Variants in ERAP2 observed in about 807,000 individuals in gnomAD.
The protein encoded by ERAP2 is endoplasmic reticulum aminopeptidase 2.
In ERAP2, 118 loss-of-function variants were observed where a neutral mutation model predicts 111.1. That is an observed-to-expected ratio of 1.06 (90% CI 0.92 to 1.24). The LOEUF is 1.24. Ranked by LOEUF, ERAP2 falls within the 50% of genes most tolerant of loss-of-function variation. The pLI, the probability that ERAP2 is intolerant of heterozygous loss-of-function variation, is 0.00. For missense variants in ERAP2, 1,131 were observed against 1,125.8 expected, an observed-to-expected ratio of 1.00 and a Z score of -0.07; for synonymous variants, 410 against 401.2, an observed-to-expected ratio of 1.02 and a Z score of -0.26.
At chr5:96,915,940 T>A in intron 18 of ERAP2, 171 bp downstream of exon 18, 1 of 496,660 alleles carries the variant, frequency 2.0e-6, no homozygotes, top group East Asian at 3.7e-5. Flanking sequence ...ACCTGACACT[T>A]GGCCAGGCAC....
chr5:96,879,908 C>T lies in ERAP2; in HGVS notation c.223C>T (p.Pro75Ser), dbSNP rs1369871017. ...QELRLPSVVIPLHYDLFVHPN... is the reference protein window; with the variant it reads ...QELRLPSVVISLHYDLFVHPN... Reference sequence around the variant, plus strand: ...GCTAAGGCTCCCCAGTGTGGTCATTCCTCTCCATTATGACCTCTTTGTCCA... The same window carrying T: ...GCTAAGGCTCCCCAGTGTGGTCATTTCTCTCCATTATGACCTCTTTGTCCA... Residue 75 changes from proline (P) to serine (S), a missense_variant, in exon 2 of 19, where the codon CCT (proline) becomes TCT (serine). Around this residue, in one of 3 missense-constraint regions of ERAP2, gnomAD observed 847 missense variants for 856.5 expected, o/e 0.99. Coordinates refer to ENST00000437043, the MANE Select transcript of ERAP2 (RefSeq NM_022350.5). 2 of 1,613,940 alleles carry T rather than the reference C, an allele frequency of 1.2e-6. No homozygotes were observed. Among genetic ancestry groups the T allele is most frequent in the Non-Finnish European group, 1.7e-6 (2 of 1,179,960 alleles).
chr5:96,911,885 A>AAAAAAAAAAAC (rs1786792957), intron 15 of ERAP2, among the ~76,000 whole-genome samples: 1 of 146,168 alleles, frequency 6.8e-6, no homozygotes, highest in Non-Finnish European at 1.5e-5. Flanking sequence ...AAAAAAAGAA[A>AAAAAAAAAAAC]GAAAGAAAGA....
intron 5 of ERAP2, among the ~76,000 whole-genome samples, chr5:96,891,528 G>GCA (rs1561372058): frequency 5.4e-5 from 2 of 37,170 alleles, no homozygotes; most frequent in African/African-American, 1.3e-4. Context: ...CCCATATACG[G>GCA]TATATATACA....
At chr5:96,889,606 G>A (rs1784118474) in intron 5 of ERAP2, 1 of 660,458 alleles carries the variant, frequency 1.5e-6, no homozygotes, top group East Asian at 2.5e-5. Context: ...CGGAAGCCAG[G>A]TAGAGGGTCC....
chr5:96,895,320 A>G lies in ERAP2; in HGVS notation c.1200A>G (p.Glu400=), dbSNP rs763705240. Residue 400 remains glutamate, a synonymous_variant, in exon 7 of 19, where the codon GAA becomes GAG. Coordinates refer to ENST00000437043, the MANE Select transcript of ERAP2 (RefSeq NM_022350.5). ...WLKEGFAKYM[E]LIAVNATYPE... is the part of the protein sequence containing the mutation. Reference sequence around the variant, plus strand: ...AGGAGGGTTTTGCAAAATACATGGAACTTATCGCTGTTAATGCTACATATC... The same window carrying G: ...AGGAGGGTTTTGCAAAATACATGGAGCTTATCGCTGTTAATGCTACATATC... 1.2e-5 allele frequency: 19 copies of G among 1,612,664 alleles called. No individual in the cohort carries two copies. The East Asian group carries it at 3.3e-4, about 28-fold the overall frequency.
At chr5:96,884,584 G>C (rs949415200) in intron 3 of ERAP2, among the ~76,000 whole-genome samples, 6 of 151,922 alleles carry the variant, frequency 3.9e-5, no homozygotes, top group African/African-American at 1.5e-4. Flanking sequence ...TTGAGACAGA[G>C]TCTCTCTCTG....
intron 5 of ERAP2, among the ~76,000 whole-genome samples, chr5:96,891,347 ATATGTG>A (rs1390295859): frequency 7.7e-6 from 1 of 129,466 alleles, no homozygotes; most frequent in Non-Finnish European, 1.6e-5. Context: ...CTGTATATGT[ATATGTG>A]TGTGTATATA....
Position 96,892,431 on chromosome 5 carries a change from T to A in ERAP2, c.1103T>A (p.Ile368Lys). Residue 368 changes from isoleucine to lysine, a missense_variant, in exon 6 of 19, where the codon ATA becomes AAA. Around this residue, in one of 3 missense-constraint regions of ERAP2, gnomAD observed 847 missense variants for 856.5 expected, o/e 0.99. Coordinates refer to ENST00000437043, the MANE Select transcript of ERAP2 (RefSeq NM_022350.5). ...ASDKLWVTRV[I>K]AHELAHQWFG... The stretch of plus-strand genomic sequence containing the variant: ...GATAAACTGTGGGTCACCAGAGTCA[T>A]AGCCCATGAACTGGCGCACCAGGTA... 6.2e-7 allele frequency: 1 copy of A among 1,613,994 alleles called. No homozygotes were observed. The highest frequency in any genetic ancestry group is 8.5e-7 in the Non-Finnish European group (1 of 1,179,916).
chr5:96,887,487 A>G (rs1306472287), intron 4 of ERAP2, among the ~76,000 whole-genome samples: 2 of 152,044 alleles, frequency 1.3e-5, no homozygotes, highest in African/African-American at 2.4e-5. Flanking sequence ...ATTTGTAGAG[A>G]TGGGGTTTCA....
chr5:96,902,387 T>A, intron 12 of ERAP2, 34 bp downstream of exon 12: 1 of 1,343,796 alleles, frequency 7.4e-7, no homozygotes, highest in Non-Finnish European at 1.1e-6. Context: ...GGTATTTCAA[T>A]GTGGAAATTA....
At chr5:96,899,776 A>G (rs1455942422) in intron 9 of ERAP2, among the ~76,000 whole-genome samples, 1 of 152,222 alleles carries the variant, frequency 6.6e-6, no homozygotes, top group Non-Finnish European at 1.5e-5. Flanking sequence ...GGGCATACAT[A>G]ACATGCAGCA....
chr5:96,890,831 T>C (rs1974871), intron 5 of ERAP2, among the ~76,000 whole-genome samples: 86,183 of 152,002 alleles, frequency 0.57, 24,605 homozygotes, highest in African/African-American at 0.62. Flanking sequence ...CCCATTTATA[T>C]GTAATTCACT....
chr5:96,885,763 G>A (rs117848512), intron 3 of ERAP2, among the ~76,000 whole-genome samples: 4 of 152,164 alleles, frequency 2.6e-5, no homozygotes, highest in African/African-American at 9.7e-5. Context: ...CAGATTATTG[G>A]ATCTGTATCC....
At position 96,886,718 on chromosome 5, in the gene ERAP2, A is replaced by G. The variant is rs201788129; in HGVS notation, c.778A>G (p.Ser260Gly). 14 of 1,552,390 alleles carry G rather than the reference A, an allele frequency of 9.0e-6. No homozygotes were observed. Among genetic ancestry groups the G allele is most frequent in the Non-Finnish European group, 1.1e-5 (13 of 1,137,550 alleles). ...TCACTTTGAAACTACTGTAAAAATGAGTACATACCTTGTAGCCTACATAGT... is the reference window on the plus strand; with the variant it reads ...TCACTTTGAAACTACTGTAAAAATGGGTACATACCTTGTAGCCTACATAGT... ...EDHFETTVKM[S>G]TYLVAYIVCD... The change falls in exon 4 of 19, where the codon AGT becomes GGT. Residue 260 changes from serine to glycine, a missense_variant. Coordinates refer to ENST00000437043, the MANE Select transcript of ERAP2 (RefSeq NM_022350.5).
intron 5 of ERAP2, among the ~76,000 whole-genome samples, chr5:96,891,561 C>T (rs890864939): frequency 9.2e-5 from 11 of 118,922 alleles, no homozygotes; most frequent in East Asian, 2.6e-4. Flanking sequence ...CACACACACA[C>T]ACATATATGG....
At position 96,879,897 on chromosome 5, in the gene ERAP2, G is replaced by C; in HGVS notation, c.212G>C (p.Ser71Thr). 1 of 1,614,146 alleles carries C rather than the reference G, an allele frequency of 6.2e-7. No homozygotes were observed. Among genetic ancestry groups the C allele is most frequent in the Non-Finnish European group, 8.5e-7 (1 of 1,180,012 alleles). The change falls in exon 2 of 19, where the codon AGT (serine) becomes ACT (threonine). Residue 71 changes from serine (S) to threonine (T), a missense_variant. Around this residue, in one of 3 missense-constraint regions of ERAP2, gnomAD observed 847 missense variants for 856.5 expected, o/e 0.99. Transcript: ENST00000437043. ...RFPWQELRLP[S>T]VVIPLHYDLF... ...CCTTGGCAGGAGCTAAGGCTCCCCA[G>C]TGTGGTCATTCCTCTCCATTATGAC...
chr5:96,885,185 T>A (rs1783601684), intron 3 of ERAP2, among the ~76,000 whole-genome samples: 1 of 152,154 alleles, frequency 6.6e-6, no homozygotes, highest in African/African-American at 2.4e-5. Flanking sequence ...TTCCCCATAG[T>A]CTCACAGCCT....
At chr5:96,881,351 A>G (rs1307986403) in intron 2 of ERAP2, 22 of 451,498 alleles carry the variant, frequency 4.9e-5, no homozygotes, top group South Asian at 3.4e-4. Flanking sequence ...TGAACTTGGC[A>G]GTTATTTTGG....
intron 18 of ERAP2, among the ~76,000 whole-genome samples, chr5:96,916,778 TTA>T (rs1787460787): frequency 6.6e-6 from 1 of 151,392 alleles, no homozygotes; most frequent in African/African-American, 2.4e-5. Context: ...TTTTTTTTTT[TTA>T]AAGCATTATA....
Sources: gnomAD v4.1 joint callset for allele counts (sites outside exome capture counted in the v4.1 genomes callset) on GRCh38, gnomAD v4.1.1 for gene constraint, gnomAD v4.1.1 regional missense constraint, MANE v1.5 for transcripts, NCBI Gene and HGNC (gene_info 2026-07-23, HGNC 2026-07-21) for gene names.